The following CSNK1G2 variants were observed in gnomAD, a reference collection of about 807,000 sequenced individuals.
CSNK1G2 encodes casein kinase 1 gamma 2, also known as casein kinase I isoform gamma-2.
A neutral mutation model predicts 48.0 loss-of-function variants in CSNK1G2; 11 were observed. The observed-to-expected ratio is 0.23, with a 90% CI of 0.14 to 0.38. The LOEUF (loss-of-function observed/expected upper bound fraction) is 0.38, where lower values mean the gene tolerates loss of function less well. CSNK1G2 is among the 10% of genes least tolerant of loss of function. CSNK1G2 has a pLI of 1.00. For missense variants in CSNK1G2, 446 were observed against 595.5 expected (o/e 0.75, Z 2.61); for synonymous variants, 337 against 254.1 (o/e 1.33, Z -3.10).
intron 1 of CSNK1G2, among the ~76,000 whole-genome samples, chr19:1,959,457 G>T (rs2015115029): frequency 6.6e-6 from 1 of 151,284 alleles, no homozygotes; most frequent in Admixed American, 6.6e-5. Context: ...ACAGGCTGCG[G>T]CTGAGCCCCC....
At chr19:1,953,376 G>C (rs1457327864) in intron 1 of CSNK1G2, 2 of 533,742 alleles carry the variant, frequency 3.7e-6, no homozygotes, top group Non-Finnish European at 7.7e-6. Flanking sequence ...CTGGGTGGGG[G>C]TGTTCTCACT....
At chr19:1,951,548 A>G (rs1482996991) in intron 1 of CSNK1G2, among the ~76,000 whole-genome samples, 1 of 146,246 alleles carries the variant, frequency 6.8e-6, no homozygotes, top group African/African-American at 2.6e-5. Context: ...TGTGGTGTGC[A>G]TGACGGACAG....
At chr19:1,963,139 C>T (rs1451841281) in intron 1 of CSNK1G2, among the ~76,000 whole-genome samples, 1 of 151,950 alleles carries the variant, frequency 6.6e-6, no homozygotes, top group Non-Finnish European at 1.5e-5. Flanking sequence ...CAGGGCAGGC[C>T]CAGCCACAGA....
chr19:1,956,574 A>G (rs2015007744), intron 1 of CSNK1G2, among the ~76,000 whole-genome samples: 1 of 152,234 alleles, frequency 6.6e-6, no homozygotes, highest in Admixed American at 6.5e-5. Context: ...CAGACCCGGC[A>G]GCTGTGGCTG....
At chr19:1,964,767 C>T (rs1379467080) in intron 1 of CSNK1G2, among the ~76,000 whole-genome samples, 2 of 151,298 alleles carry the variant, frequency 1.3e-5, no homozygotes, top group East Asian at 3.9e-4. Context: ...CGCTCGTCAC[C>T]CAGGCTGGAG....
At chr19:1,952,296 G>A (rs911377732) in intron 1 of CSNK1G2, among the ~76,000 whole-genome samples, 8 of 152,242 alleles carry the variant, frequency 5.3e-5, no homozygotes, top group African/African-American at 1.4e-4. Context: ...CCCGAGTGGC[G>A]GAGGGCGGGA....
intron 1 of CSNK1G2, among the ~76,000 whole-genome samples, chr19:1,963,806 C>T (rs1319927041): frequency 6.7e-6 from 1 of 148,784 alleles, no homozygotes; most frequent in East Asian, 2.0e-4. Flanking sequence ...CTGCGCCCAG[C>T]CTCTACAAAT....
chr19:1,962,111 C>T (rs2015217784), intron 1 of CSNK1G2, among the ~76,000 whole-genome samples: 1 of 151,490 alleles, frequency 6.6e-6, no homozygotes, highest in South Asian at 2.1e-4. Context: ...AGGCGGATCA[C>T]CTGGGGTCAG....
rs200947922 is a variant in CSNK1G2, at chr19:1,971,566, C to T, written c.187+1607C>T. 2.6e-5 allele frequency among the ~76,000 whole-genome samples: 4 copies of T among 152,346 alleles called. No homozygotes were observed. The East Asian group carries it at 7.7e-4, about 29-fold the overall frequency. On this transcript the variant is annotated intron_variant, in intron 2 of 11. Coordinates refer to ENST00000255641, the MANE Select transcript of CSNK1G2 (RefSeq NM_001319.7). ...ACTAAAGCACACGCACACAGGCGCA[C>T]ACAGCCACAACCACGCATACACAGG...
At chr19:1,968,273 C>T (rs59232036) in intron 1 of CSNK1G2, among the ~76,000 whole-genome samples, 5,159 of 86,694 alleles carry the variant, frequency 0.06, 5 homozygotes, top group East Asian at 0.13. Context: ...AGGCTGCCCC[C>T]GACCACCCTT....
intron 1 of CSNK1G2, among the ~76,000 whole-genome samples, chr19:1,958,208 CT>C (rs2015064052): frequency 6.6e-6 from 1 of 151,894 alleles, no homozygotes. Context: ...CCACCAAAGC[CT>C]GTGCCCCTGA....
Position 1,980,434 on chromosome 19 carries a change from C to T in CSNK1G2, c.*231C>T, listed in dbSNP as rs772544756. 9 of 605,778 alleles carry T rather than the reference C, an allele frequency of 1.5e-5. No individual in the cohort carries two copies. The highest frequency in any genetic ancestry group is 2.4e-5 in the Non-Finnish European group (8 of 339,518). The allele number at this position is 605,778 out of a possible 1,614,324, so 37.5% of individuals were successfully genotyped here. A position where few individuals can be genotyped will look rare whatever the true frequency, so the allele number is the denominator to read the frequency against. Reference sequence around the variant, plus strand: ...ATTTCTACACCTGTGTCTAGTCCTCCCCTCCAAGAGCATTAACTATTTAAA... The same window carrying T: ...ATTTCTACACCTGTGTCTAGTCCTCTCCTCCAAGAGCATTAACTATTTAAA... On this transcript the variant is annotated 3_prime_UTR_variant, in exon 12 of 12. Transcript: ENST00000255641.
chr19:1,960,183 C>T (rs868082097), intron 1 of CSNK1G2, among the ~76,000 whole-genome samples: 21 of 152,310 alleles, frequency 1.4e-4, no homozygotes, highest in Non-Finnish European at 2.4e-4. Context: ...AAAAGGCGTC[C>T]TGCTTAGGAG....
intron 1 of CSNK1G2, chr19:1,952,937 C>T (rs374851514): frequency 2.7e-5 from 12 of 442,852 alleles, no homozygotes; most frequent in African/African-American, 1.3e-4. Context: ...GAAACCGGGG[C>T]GGGATGTCGC....
chr19:1,978,902 G>A lies in CSNK1G2; in HGVS notation c.491G>A (p.Arg164Gln), dbSNP rs750870831. 5.0e-6 allele frequency: 8 copies of A among 1,602,992 alleles called. No homozygotes were observed. The highest frequency in any genetic ancestry group is 3.3e-5 in the Admixed American group (2 of 59,980). The change falls in exon 6 of 12, where the codon CGG (arginine) becomes CAG (glutamine). Residue 164 changes from arginine to glutamine, a missense_variant. Arg to Gln is a conservative substitution (Grantham distance 43). This residue lies in a region of CSNK1G2 where 258 missense variants were observed against 415.9 expected (regional missense o/e 0.62). Coordinates refer to ENST00000255641, the MANE Select transcript of CSNK1G2 (RefSeq NM_001319.7). The surrounding 1 kb of genome is among the most constrained non-coding windows in gnomAD (Gnocchi z 7.3). ...GTGCACACCAAGAGCCTAATCTACC[G>A]GGACGTGAAGCCCGAGAACTTCCTG... ...EYVHTKSLIYRDVKPENFLVG... is the reference protein window; with the variant it reads ...EYVHTKSLIYQDVKPENFLVG...
chr19:1,975,997 T>C, intron 2 of CSNK1G2: 1 of 1,139,304 alleles, frequency 8.8e-7, no homozygotes, highest in Non-Finnish European at 1.2e-6. Context: ...ATCGCGCCAG[T>C]GCACTCCAGC....
rs546683892 is a variant in CSNK1G2 at position 1,957,335 on chromosome 19, C to T, written c.-265-12173C>T. ...GAAGCAGTGTGTGCCCGGGAGGTCACGTGGGCACCACAGACGAAAGTGGAG... is the reference window on the plus strand; with the variant it reads ...GAAGCAGTGTGTGCCCGGGAGGTCATGTGGGCACCACAGACGAAAGTGGAG... On this transcript the variant is annotated intron_variant, in intron 1 of 11. Coordinates refer to ENST00000255641, the MANE Select transcript of CSNK1G2 (RefSeq NM_001319.7). This position sits in a 1 kb window ranked among gnomAD's most constrained non-coding sequence, Gnocchi z 5.4. 5.3e-5 allele frequency among the ~76,000 whole-genome samples: 8 copies of T among 152,312 alleles called. 1 individual carries two copies. In the East Asian group the frequency reaches 1.5e-3, roughly 29 times the overall value.
chr19:1,972,096 G>T (rs1016591642), intron 2 of CSNK1G2, among the ~76,000 whole-genome samples: 1 of 152,184 alleles, frequency 6.6e-6, no homozygotes, highest in African/African-American at 2.4e-5. Flanking sequence ...ACTGAGTTGC[G>T]GTTTGCGCTC....
At chr19:1,958,538 C>G (rs1170245900) in intron 1 of CSNK1G2, among the ~76,000 whole-genome samples, 1 of 133,476 alleles carries the variant, frequency 7.5e-6, no homozygotes, top group Non-Finnish European at 1.6e-5. Context: ...CCTGTCCCTC[C>G]GTCCCCCCGT....
Sources: gnomAD v4.1 joint callset for allele counts (sites outside exome capture counted in the v4.1 genomes callset) on GRCh38, gnomAD v4.1.1 for gene constraint, gnomAD v4.1.1 regional missense constraint, Gnocchi (gnomAD v3.1) non-coding constraint, MANE v1.5 for transcripts, NCBI Gene and HGNC (gene_info 2026-07-23, HGNC 2026-07-21) for gene names.